RPL4: variants seen among roughly 807,000 people sequenced by gnomAD.
RPL4 encodes the protein large ribosomal subunit protein uL4.
RPL4 carries 3 observed loss-of-function variants against 47.7 expected under a neutral mutation model. The ratio of observed to expected loss-of-function variants is 0.06; its 90% confidence interval spans 0.03 to 0.16. RPL4 has a LOEUF of 0.16. RPL4 is among the 10% of genes least tolerant of loss of function. The pLI, the probability that RPL4 is intolerant of heterozygous loss-of-function variation, is 1.00. For missense variants in RPL4, 413 were observed against 551.3 expected (o/e 0.75, Z 2.51); for synonymous variants, 208 against 182.1 (o/e 1.14, Z -1.15).
chr15:66,500,026 AAC>A, intron 9 of RPL4, 28 bp downstream of exon 9: 1 of 1,603,036 alleles, frequency 6.2e-7, no homozygotes, highest in Non-Finnish European at 8.5e-7. Context: ...CCGACTCAAA[AAC>A]AAACAAACAA....
chr15:66,502,867 T>G (rs1370087949), intron 3 of RPL4, 117 bp from the exon 4 acceptor site: 1 of 1,505,688 alleles, frequency 6.6e-7, no homozygotes, highest in Non-Finnish European at 9.2e-7. Flanking sequence ...AGCAGGCAAC[T>G]GTCGCTGAGA....
chr15:66,501,421 G>A lies in RPL4; in HGVS notation c.630C>T (p.Ile210=). ...TGATGATACCATTATCCTCATTATAGATGATGCACGGGCCCCTGCGCTGGA... is the reference window on the plus strand; with the variant it reads ...TGATGATACCATTATCCTCATTATAAATGATGCACGGGCCCCTGCGCTGGA... ...RRIQRRGPCI[I]YNEDNGIIKA... Residue 210 remains isoleucine (I), a synonymous_variant, in exon 6 of 10, where the codon ATC becomes ATT. Transcript: ENST00000307961. 1.2e-6 allele frequency: 2 copies of A among 1,614,122 alleles called. No individual in the cohort carries two copies. Among genetic ancestry groups the A allele is most frequent in the Non-Finnish European group, 1.7e-6 (2 of 1,180,022 alleles).
Position 66,499,433 on chromosome 15 carries a change from T to C in RPL4, c.1258A>G (p.Thr420Ala). ...EKKPAEKKPT[T>A]EEKKPAA The stretch of plus-strand genomic sequence containing the variant: ...TATGCAGCAGGCTTCTTCTCCTCTG[T>C]AGTAGGTTTCTTCTCTGCAGGCTTC... The change falls in exon 10 of 10, where the codon ACA (threonine) becomes GCA (alanine). Residue 420 changes from threonine to alanine, a missense_variant. By Grantham distance (58) the Thr-to-Ala change is moderately conservative. Coordinates refer to ENST00000307961, the MANE Select transcript of RPL4 (RefSeq NM_000968.4). 1 of 1,611,574 alleles carries C rather than the reference T, an allele frequency of 6.2e-7. No homozygotes were observed. The highest frequency in any genetic ancestry group is 8.5e-7 in the Non-Finnish European group (1 of 1,179,742).
rs773865235 is a variant in RPL4, at chr15:66,501,931, A to G, written c.422-19T>C. ...CGATGACCTAACAAAAACCAATGAC[A>G]CTTACTTGGTTATCCTGAAACTTTT... On this transcript the variant is annotated intron_variant, in intron 4 of 9. Coordinates refer to ENST00000307961, the MANE Select transcript of RPL4 (RefSeq NM_000968.4). 16 of 1,600,002 alleles carry G rather than the reference A, an allele frequency of 1.0e-5. No homozygotes were observed. The highest frequency in any genetic ancestry group is 1.8e-4 in the Middle Eastern group (1 of 5,480).
At chr15:66,502,112 G>C (rs537766981) in intron 4 of RPL4, 200 bp from the exon 5 acceptor site, 3 of 778,698 alleles carry the variant, frequency 3.9e-6, no homozygotes, top group African/African-American at 1.7e-5. Flanking sequence ...AAAATGCGAT[G>C]GGTACGCAAC....
At position 66,499,241 on chromosome 15, in the gene RPL4, G is replaced by GT. The variant is rs1198525688; in HGVS notation, c.*165dup. On this transcript the variant is annotated 3_prime_UTR_variant, in exon 10 of 10. Transcript: ENST00000307961. ...CATTTTATACCACACTATATAAAAT[G>GT]TAACAGTCTAAATTATGGCCAACAA... The GT allele has an allele frequency of 3.5e-5, 27 of 769,228 alleles. 1 individual carries two copies. Among genetic ancestry groups the GT allele is most frequent in the South Asian group, 3.0e-4 (17 of 56,250 alleles). 47.7% of individuals were successfully genotyped at this position (769,228 alleles called of 1,614,324 possible). A position where few individuals can be genotyped will look rare whatever the true frequency, so the allele number is the denominator to read the frequency against.
chr15:66,504,775 A>C lies in RPL4; in HGVS notation c.3+13T>G, dbSNP rs1437094756. ...GATACGGGGTAAGGCCAGCCAAGAG[A>C]ACTTCCACTCACCATGGCGGAGAGA... On this transcript the variant is annotated intron_variant, in intron 1 of 9. Coordinates refer to ENST00000307961, the MANE Select transcript of RPL4 (RefSeq NM_000968.4). 6.2e-7 allele frequency: 1 copy of C among 1,611,942 alleles called. No homozygotes were observed. The highest frequency in any genetic ancestry group is 1.7e-5 in the Admixed American group (1 of 59,814).
chr15:66,498,635 C>A lies in RPL4; in HGVS notation c.*772G>T, dbSNP rs974778253. The A allele has an allele frequency of 2.0e-5, 3 of 152,224 alleles. No individual in the cohort carries two copies. Among genetic ancestry groups the A allele is most frequent in the Non-Finnish European group, 4.4e-5 (3 of 68,064 alleles). The allele number at this position is 152,224 out of a possible 1,614,324, so 9.4% of individuals were successfully genotyped here. On this transcript the variant is annotated 3_prime_UTR_variant, in exon 10 of 10. Transcript: ENST00000307961. ...TACTTTTCAGAGAGTCTTGCTCTGA[C>A]GCCCAGGCTGGAGGGCAATGGTACA...
At position 66,498,467 on chromosome 15, in the gene RPL4, T is replaced by C. The variant is rs939799968; in HGVS notation, c.*940A>G. On this transcript the variant is annotated 3_prime_UTR_variant, in exon 10 of 10. Coordinates refer to ENST00000307961, the MANE Select transcript of RPL4 (RefSeq NM_000968.4). ...CTTTTGACACAGGACAAGAGGTTAA[T>C]TCTAGGGTAATATTTGCAGTTTAGC... 1 of 152,170 alleles carries C rather than the reference T, an allele frequency of 6.6e-6. No homozygotes were observed. The highest frequency in any genetic ancestry group is 6.5e-5 in the Admixed American group (1 of 15,284). 9.4% of individuals were successfully genotyped at this position (152,170 alleles called of 1,614,324 possible). A position where few individuals can be genotyped will look rare whatever the true frequency, so the allele number is the denominator to read the frequency against.
Position 66,501,794 on chromosome 15 carries a change from G to T in RPL4, c.540C>A (p.Ile180=). 6.2e-7 allele frequency: 1 copy of T among 1,609,164 alleles called. No individual in the cohort carries two copies. Among genetic ancestry groups the T allele is most frequent in the Non-Finnish European group, 8.5e-7 (1 of 1,179,104 alleles). Residue 180 remains isoleucine, a synonymous_variant, in exon 5 of 10, where the codon ATC becomes ATA. Transcript: ENST00000307961. Reference sequence around the variant, plus strand: ...ATGTGCTCATTGAACGGACCTTTTTGATATCATTCCAGGCTTTAAGTTTCT... The same window carrying T: ...ATGTGCTCATTGAACGGACCTTTTTTATATCATTCCAGGCTTTAAGTTTCT... ...LLKKLKAWND[I]KKVYASQRMR...
chr15:66,500,922 T>A, intron 7 of RPL4, 27 bp downstream of exon 7: 1 of 1,604,340 alleles, frequency 6.2e-7, no homozygotes, highest in Non-Finnish European at 8.5e-7. Flanking sequence ...TATAAACATC[T>A]GTGCTTAGTA....
At chr15:66,502,507 C>T (rs1172161482) in intron 4 of RPL4, 105 bp downstream of exon 4, 1 of 1,176,938 alleles carries the variant, frequency 8.5e-7, no homozygotes, top group East Asian at 2.5e-5. Context: ...TTATTCTCTT[C>T]TAGCCATCTT....
At position 66,504,778 on chromosome 15, in the gene RPL4, T is replaced by G. The variant is rs1210583007; in HGVS notation, c.3+10A>C. On this transcript the variant is annotated intron_variant, in intron 1 of 9. Transcript: ENST00000307961. ...ACGGGGTAAGGCCAGCCAAGAGAAC[T>G]TCCACTCACCATGGCGGAGAGAGGA... 6 of 1,612,138 alleles carry G rather than the reference T, an allele frequency of 3.7e-6. No homozygotes were observed. In the South Asian group the frequency reaches 5.5e-5, roughly 15 times the overall value.
In RPL4 at chr15:66,503,102, G is replaced by C. The variant is rs760350080; in HGVS notation, c.238C>G (p.Arg80Gly). The change falls in exon 3 of 10, where the codon CGA becomes GGA. Residue 80 changes from arginine (R) to glycine (G), a missense_variant. Arg to Gly is a moderately radical substitution (Grantham distance 125, BLOSUM62 -2). Around this residue, in one of 4 missense-constraint regions of RPL4, gnomAD observed 9 missense variants for 53.8 expected, o/e 0.17. Transcript: ENST00000307961. The stretch of plus-strand genomic sequence containing the variant: ...CCAGAGCGGTGAGTCCCACCACCTC[G>C]AACTCTGGGAATTCGAGCCACAGCT... ...GRAVARIPRV[R>G]GGGTHRSGQG... is the part of the protein sequence containing the mutation. The C allele has an allele frequency of 6.2e-7, 1 of 1,613,998 alleles. No individual in the cohort carries two copies.
chr15:66,502,334 G>T (rs780665309), intron 4 of RPL4: 3 of 420,508 alleles, frequency 7.1e-6, no homozygotes, highest in Non-Finnish European at 1.3e-5. Flanking sequence ...GGGGCATTTT[G>T]TATCACTGAT....
rs1220321773 is a variant in RPL4, at chr15:66,503,173, G to C, written c.176-9C>G. On this transcript the variant is annotated splice_polypyrimidine_tract_variant and intron_variant, in intron 2 of 9. Transcript: ENST00000307961. The stretch of plus-strand genomic sequence containing the variant: ...AGCACTAGTCTGATGACCTAAAATT[G>C]AGAAGAGATAAAAGTTGTAGCTGCT... The C allele has an allele frequency of 2.5e-6, 4 of 1,613,030 alleles. No individual in the cohort carries two copies. Among genetic ancestry groups the C allele is most frequent in the Non-Finnish European group, 3.4e-6 (4 of 1,179,262 alleles).
In RPL4 at chr15:66,499,243, AAC is replaced by A. The variant is rs764956191; in HGVS notation, c.*162_*163del. On this transcript the variant is annotated 3_prime_UTR_variant, in exon 10 of 10. Coordinates refer to ENST00000307961, the MANE Select transcript of RPL4 (RefSeq NM_000968.4). The stretch of plus-strand genomic sequence containing the variant: ...TTTTATACCACACTATATAAAATGT[AAC>A]AGTCTAAATTATGGCCAACAAAATG... 6.4e-6 allele frequency: 5 copies of A among 780,834 alleles called. No homozygotes were observed. Among genetic ancestry groups the A allele is most frequent in the South Asian group, 5.3e-5 (3 of 56,652 alleles). 48.4% of individuals were successfully genotyped at this position (780,834 alleles called of 1,614,324 possible).
Position 66,499,659 on chromosome 15 carries a change from C to T in RPL4, c.1039-7G>A. 6.2e-7 allele frequency: 1 copy of T among 1,613,376 alleles called. No individual in the cohort carries two copies. The highest frequency in any genetic ancestry group is 8.5e-7 in the Non-Finnish European group (1 of 1,179,686). On this transcript the variant is annotated splice_polypyrimidine_tract_variant and splice_region_variant and intron_variant, in intron 9 of 9. Transcript: ENST00000307961. The stretch of plus-strand genomic sequence containing the variant: ...TATCCACCCGGAGCTTGTGCTGCAA[C>T]AAATTAGGCAGAAAACAGTAAGAAT...
chr15:66,500,373 A>G lies in RPL4; in HGVS notation c.837T>C (p.Leu279=), dbSNP rs1239195057. ...KAASLKSNYN[L]PMHKMINTDL... is the part of the protein sequence containing the mutation. ...CTGTATTAATCATCTTGTGCATGGG[A>G]AGACTGAAAGGGAAAAGATTGACAT... The change falls in exon 8 of 10, where the codon CTT becomes CTC. Residue 279 remains leucine, a synonymous_variant. Coordinates refer to ENST00000307961, the MANE Select transcript of RPL4 (RefSeq NM_000968.4). The G allele has an allele frequency of 1.1e-5, 18 of 1,613,642 alleles. No homozygotes were observed. Among genetic ancestry groups the G allele is most frequent in the Non-Finnish European group, 1.5e-5 (18 of 1,179,694 alleles).
Sources: gnomAD v4.1 joint callset for allele counts on GRCh38, gnomAD v4.1.1 for gene constraint, gnomAD v4.1.1 regional missense constraint, MANE v1.5 for transcripts, NCBI Gene and HGNC (gene_info 2026-07-23, HGNC 2026-07-21) for gene names.